PACRG: variants seen among roughly 807,000 people sequenced by gnomAD.
The protein encoded by PACRG is parkin coregulated.
A neutral mutation model predicts 29.7 loss-of-function variants in PACRG; 29 were observed. That is an observed-to-expected ratio of 0.98 (90% CI 0.73 to 1.33). The LOEUF is 1.33. PACRG is among the 40% of genes most tolerant of loss of function. PACRG has a pLI of 0.00. For missense variants in PACRG, 279 were observed against 316.2 expected (o/e 0.88, Z 0.89); for synonymous variants, 116 against 118.7 (o/e 0.98, Z 0.15).
chr6:163,023,323 G>C (rs907330645), intron 2 of PACRG, among the ~76,000 whole-genome samples: 7 of 152,208 alleles, frequency 4.6e-5, no homozygotes, highest in Non-Finnish European at 7.3e-5. Context: ...AGAACATGCA[G>C]TATTTGGTTT....
chr6:163,011,488 T>A (rs1805610672), intron 2 of PACRG, among the ~76,000 whole-genome samples: 1 of 152,242 alleles, frequency 6.6e-6, no homozygotes, highest in South Asian at 2.1e-4. Flanking sequence ...GCCATAAGGC[T>A]TACAGGACTG....
chr6:163,190,597 C>G (rs1217919965), intron 4 of PACRG: 1 of 152,550 alleles, frequency 6.6e-6, no homozygotes, highest in Non-Finnish European at 1.5e-5. Flanking sequence ...GTAAAAATGA[C>G]CTGCTTTCTA....
chr6:163,099,669 A>G (rs1213151832), intron 4 of PACRG, among the ~76,000 whole-genome samples: 2 of 152,210 alleles, frequency 1.3e-5, no homozygotes, highest in Non-Finnish European at 1.5e-5. Flanking sequence ...CTTTGTGGAC[A>G]TTGCAGAGAA....
At chr6:163,043,749 T>C (rs1450775061) in intron 2 of PACRG, among the ~76,000 whole-genome samples, 1 of 152,162 alleles carries the variant, frequency 6.6e-6, no homozygotes, top group Non-Finnish European at 1.5e-5. Flanking sequence ...AATATGTGTT[T>C]TGGCTATAGG....
intron 2 of PACRG, among the ~76,000 whole-genome samples, chr6:162,969,505 A>T (rs1383856041): frequency 6.6e-6 from 1 of 151,972 alleles, no homozygotes; most frequent in African/African-American, 2.4e-5. Context: ...CATAGCCACA[A>T]GAAGCAAAAG....
intron 2 of PACRG, among the ~76,000 whole-genome samples, chr6:163,026,602 A>G (rs930546771): frequency 2.0e-5 from 3 of 152,180 alleles, no homozygotes; most frequent in Non-Finnish European, 2.9e-5. Flanking sequence ...GAGTCCGCTA[A>G]GGTCACCTCC....
chr6:163,278,189 A>G lies in PACRG; in HGVS notation c.614-36638A>G, dbSNP rs113981312. 5.1e-3 allele frequency among the ~76,000 whole-genome samples: 769 copies of G among 151,440 alleles called. 9 individuals carry two copies. The highest frequency in any genetic ancestry group is 0.017 in the African/African-American group (709 of 41,376). Reference sequence around the variant, plus strand: ...GCCCACTTTTTGATGGGATTGCTTGATTTTCTCTTTCTGATTTGTTTGAGT... The same window carrying G: ...GCCCACTTTTTGATGGGATTGCTTGGTTTTCTCTTTCTGATTTGTTTGAGT... On this transcript the variant is annotated intron_variant, in intron 4 of 4. Coordinates refer to ENST00000366888, the MANE Select transcript of PACRG (RefSeq NM_001080379.2).
chr6:162,989,667 G>C (rs184363415), intron 2 of PACRG, among the ~76,000 whole-genome samples: 2 of 150,466 alleles, frequency 1.3e-5, no homozygotes, highest in African/African-American at 4.9e-5. Context: ...TCCTTGGATT[G>C]AATCCACAGA....
intron 2 of PACRG, among the ~76,000 whole-genome samples, chr6:162,995,731 G>A (rs79271957): frequency 4.6e-5 from 7 of 152,320 alleles, no homozygotes; most frequent in South Asian, 4.1e-4. Context: ...GCTGTAGACC[G>A]GAGCTGTTCC....
chr6:162,925,231 A>G (rs759064116), intron 2 of PACRG, among the ~76,000 whole-genome samples: 15 of 152,184 alleles, frequency 9.9e-5, no homozygotes, highest in Non-Finnish European at 2.1e-4. Context: ...ATTCTGCTAG[A>G]GGTACAAAGA....
intron 1 of PACRG, among the ~76,000 whole-genome samples, chr6:162,742,852 T>A (rs557494577): frequency 6.6e-6 from 1 of 152,166 alleles, no homozygotes; most frequent in Non-Finnish European, 1.5e-5. Context: ...AAGAAGATAT[T>A]CAAAGAATAT....
intron 3 of PACRG, among the ~76,000 whole-genome samples, chr6:163,063,361 G>T (rs1267061476): frequency 6.6e-6 from 1 of 152,012 alleles, no homozygotes; most frequent in African/African-American, 2.4e-5. Flanking sequence ...TTCCACTCCA[G>T]GATGGGCAGC....
At position 162,844,450 on chromosome 6, in the gene PACRG, C is replaced by T. The variant is rs565486375; in HGVS notation, c.291+30169C>T. 2.0e-3 allele frequency among the ~76,000 whole-genome samples: 310 copies of T among 152,350 alleles called. 3 individuals are homozygous for T. The highest frequency in any genetic ancestry group is 6.8e-3 in the African/African-American group (284 of 41,594). On this transcript the variant is annotated intron_variant, in intron 2 of 4. Coordinates refer to ENST00000366888, the MANE Select transcript of PACRG (RefSeq NM_001080379.2). Reference sequence around the variant, plus strand: ...AGTGAGGCAATGCCTCGCCCTGCTTCGGCTCGCGCATGGTGCGCGCACCCA... The same window carrying T: ...AGTGAGGCAATGCCTCGCCCTGCTTTGGCTCGCGCATGGTGCGCGCACCCA...
At chr6:162,740,630 C>T (rs527612812) in intron 1 of PACRG, among the ~76,000 whole-genome samples, 2 of 108,650 alleles carry the variant, frequency 1.8e-5, no homozygotes, top group Non-Finnish European at 3.7e-5. Context: ...GAGATGGACT[C>T]GCTCAGCCAC....
chr6:163,046,311 C>CT (rs2128242123), intron 2 of PACRG, among the ~76,000 whole-genome samples: 1 of 110,062 alleles, frequency 9.1e-6, no homozygotes, highest in African/African-American at 2.9e-5. Context: ...TTAACCAGAG[C>CT]TTTTTTCCAC....
At chr6:163,276,982 C>T (rs1209860878) in intron 4 of PACRG, among the ~76,000 whole-genome samples, 1 of 152,216 alleles carries the variant, frequency 6.6e-6, no homozygotes, top group Non-Finnish European at 1.5e-5. Flanking sequence ...GAAATATTTT[C>T]ATATTCGTTC....
chr6:163,276,127 A>G (rs1784016928), intron 4 of PACRG, among the ~76,000 whole-genome samples: 1 of 151,886 alleles, frequency 6.6e-6, no homozygotes, highest in Non-Finnish European at 1.5e-5. Flanking sequence ...TCCAGGCTCA[A>G]ATGATCCTCC....
intron 1 of PACRG, among the ~76,000 whole-genome samples, chr6:162,767,790 G>C (rs1346074973): frequency 6.6e-6 from 1 of 151,408 alleles, no homozygotes; most frequent in Non-Finnish European, 1.5e-5. Flanking sequence ...CCTTTTTGAG[G>C]ATTAATACAT....
In PACRG at chr6:163,314,975, C is replaced by T. The variant is rs746844867; in HGVS notation, c.762C>T (p.Cys254=). 6.2e-7 allele frequency: 1 copy of T among 1,613,334 alleles called. No individual in the cohort carries two copies. Among genetic ancestry groups the T allele is most frequent in the African/African-American group, 1.3e-5 (1 of 74,916 alleles). ...IKYVVPTYES[C]LLN is the part of the protein sequence containing the mutation. Reference sequence around the variant, plus strand: ...ACGTGGTCCCAACCTACGAGTCTTGCTTGCTAAACTAACAGTGGCAGCAGC... The same window carrying T: ...ACGTGGTCCCAACCTACGAGTCTTGTTTGCTAAACTAACAGTGGCAGCAGC... The change falls in exon 5 of 5, where the codon TGC becomes TGT. Residue 254 remains cysteine, a synonymous_variant. Coordinates refer to ENST00000366888, the MANE Select transcript of PACRG (RefSeq NM_001080379.2).
Sources: allele counts gnomAD v4.1 joint callset (sites outside exome capture counted in the v4.1 genomes callset), GRCh38; gene constraint gnomAD v4.1.1; transcripts MANE v1.5; gene names NCBI Gene and HGNC (gene_info 2026-07-23, HGNC 2026-07-21).